Variants in DIP2C observed in about 807,000 individuals in gnomAD.
DIP2C encodes the protein disco-interacting protein 2 homolog C.
In DIP2C, 33 loss-of-function variants were observed where a neutral mutation model predicts 192.4. That is an observed-to-expected ratio of 0.17 (90% CI 0.13 to 0.23). The LOEUF (loss-of-function observed/expected upper bound fraction) is 0.23. Ranked by LOEUF, DIP2C falls within the 10% of genes least tolerant of loss-of-function variation. The pLI is 1.00. For synonymous variants in DIP2C, 979 were observed against 864.1 expected (o/e 1.13, Z -2.33); for missense variants, 1,537 against 2,110.1 (o/e 0.73, Z 5.32).
At position 532,763 on chromosome 10, in the gene DIP2C, G is replaced by GAGTATGGGTGTGTGAGAA. The variant is rs1197051647; in HGVS notation, c.86-46234_86-46233insTTCTCACACACCCATACT. Among the ~76,000 whole-genome samples the GAGTATGGGTGTGTGAGAA allele has an allele frequency of 1.6e-4, 24 of 150,944 alleles. 1 individual carries two copies. In the East Asian group the frequency reaches 4.7e-3, roughly 30 times the overall value. ...TGAGAGAGAGTATGGGTGTGTGAGA[G>GAGTATGGGTGTGTGAGAA]AGTATGGGTGTGTGAGAGAGTATGG... On this transcript the variant is annotated intron_variant, in intron 1 of 36. Transcript: ENST00000280886.
At chr10:653,426 T>A (rs1856080103) in intron 1 of DIP2C, among the ~76,000 whole-genome samples, 1 of 152,108 alleles carries the variant, frequency 6.6e-6, no homozygotes, top group African/African-American at 2.4e-5. Context: ...CCAGCCGGGG[T>A]GACAGAGCGA....
chr10:350,854 GC>G (rs1003819327), intron 24 of DIP2C, among the ~76,000 whole-genome samples: 2 of 152,062 alleles, frequency 1.3e-5, no homozygotes. Flanking sequence ...CACTATGTTG[GC>G]CAGGATGGTC....
chr10:609,669 T>C (rs1588595199), intron 1 of DIP2C, among the ~76,000 whole-genome samples: 1 of 152,350 alleles, frequency 6.6e-6, no homozygotes, highest in Non-Finnish European at 1.5e-5. Context: ...CTTGTGTTTC[T>C]TTCCTTCTTA....
chr10:337,403 C>T (rs56154117), intron 29 of DIP2C, among the ~76,000 whole-genome samples: 3 of 117,320 alleles, frequency 2.6e-5, no homozygotes, highest in East Asian at 2.8e-4. Flanking sequence ...TGGAGGCCTA[C>T]GTAGCTGTGT....
chr10:551,086 C>T (rs1426028996), intron 1 of DIP2C, among the ~76,000 whole-genome samples: 8 of 152,232 alleles, frequency 5.3e-5, no homozygotes, highest in Non-Finnish European at 1.0e-4. Context: ...CACACGGCTT[C>T]CCCGGGCCTC....
chr10:668,107 C>T (rs1460012277), intron 1 of DIP2C: 1 of 151,818 alleles, frequency 6.6e-6, no homozygotes, highest in Non-Finnish European at 1.5e-5. Context: ...ACGCACAACA[C>T]AACATGCACA....
chr10:594,079 A>T (rs1397614556), intron 1 of DIP2C, among the ~76,000 whole-genome samples: 1 of 152,250 alleles, frequency 6.6e-6, no homozygotes. Flanking sequence ...AGCCGTGCAC[A>T]GATCCTCAGA....
intron 2 of DIP2C, among the ~76,000 whole-genome samples, chr10:476,083 A>C (rs1843009535): frequency 6.6e-6 from 1 of 152,254 alleles, no homozygotes; most frequent in Non-Finnish European, 1.5e-5. Context: ...TAGAAGCCTT[A>C]TGACAGAAGG....
At chr10:467,646 C>T (rs1051759696) in intron 3 of DIP2C, among the ~76,000 whole-genome samples, 14 of 151,048 alleles carry the variant, frequency 9.3e-5, no homozygotes. Flanking sequence ...AATTCATGTC[C>T]TTTGCAGGGA....
chr10:435,911 A>G (rs1967142577), intron 4 of DIP2C, among the ~76,000 whole-genome samples: 1 of 152,216 alleles, frequency 6.6e-6, no homozygotes, highest in Admixed American at 6.5e-5. Context: ...ACCTTCCAAC[A>G]GAATTATGAG....
chr10:568,865 G>GAGCCAT (rs1239800385), intron 1 of DIP2C, among the ~76,000 whole-genome samples: 2 of 144,790 alleles, frequency 1.4e-5, no homozygotes, highest in Non-Finnish European at 3.0e-5. Flanking sequence ...TACCTGCAAT[G>GAGCCAT]AGCCATCTCA....
chr10:347,466 C>T (rs1283878395), intron 26 of DIP2C, among the ~76,000 whole-genome samples: 1 of 127,840 alleles, frequency 7.8e-6, no homozygotes, highest in African/African-American at 3.1e-5. Context: ...GCGCATAGTT[C>T]TCCCGGAAAC....
intron 1 of DIP2C, among the ~76,000 whole-genome samples, chr10:623,639 C>T (rs7087555): frequency 1.5e-5 from 1 of 68,354 alleles, no homozygotes; most frequent in Non-Finnish European, 2.6e-5. Context: ...GAAGGAAGGA[C>T]GCAGGGGCGA....
chr10:449,776 TA>T (rs1968681639), intron 3 of DIP2C, among the ~76,000 whole-genome samples: 2 of 121,106 alleles, frequency 1.7e-5, no homozygotes, highest in East Asian at 2.2e-4. Flanking sequence ...AAACTTAAAG[TA>T]TAATTAAAAA....
At chr10:521,643 T>A (rs542120282) in intron 1 of DIP2C, among the ~76,000 whole-genome samples, 4 of 152,338 alleles carry the variant, frequency 2.6e-5, no homozygotes, top group Non-Finnish European at 5.9e-5. Context: ...AGTGAGTTAC[T>A]TAATGCAAAG....
chr10:664,738 A>T (rs1206009865), intron 1 of DIP2C: 5 of 152,196 alleles, frequency 3.3e-5, no homozygotes, highest in African/African-American at 9.7e-5. Context: ...TTGATATTTT[A>T]AAATGTTAAT....
chr10:305,157 C>G (rs540227762), intron 32 of DIP2C, among the ~76,000 whole-genome samples: 1 of 152,280 alleles, frequency 6.6e-6, no homozygotes, highest in East Asian at 1.9e-4. Flanking sequence ...CACACTTGCA[C>G]AAACTCATAC....
intron 1 of DIP2C, among the ~76,000 whole-genome samples, chr10:502,286 T>C (rs1845291067): frequency 6.6e-6 from 1 of 152,200 alleles, no homozygotes; most frequent in African/African-American, 2.4e-5. Flanking sequence ...CCTACATGAA[T>C]TTTTATCTTT....
At chr10:421,531 AAC>A (rs1966179775) in intron 5 of DIP2C, among the ~76,000 whole-genome samples, 2 of 152,134 alleles carry the variant, frequency 1.3e-5, no homozygotes, top group South Asian at 4.1e-4. Flanking sequence ...AAAAAAAAAT[AAC>A]AGTCACACAT....
Sources: allele counts gnomAD v4.1 joint callset (sites outside exome capture counted in the v4.1 genomes callset), GRCh38; gene constraint gnomAD v4.1.1; transcripts MANE v1.5; gene names NCBI Gene and HGNC (gene_info 2026-07-23, HGNC 2026-07-21).